Variants in PRUNE2 observed in about 807,000 individuals in gnomAD.
PRUNE2 encodes protein prune homolog 2.
PRUNE2 carries 164 observed loss-of-function variants against 252.0 expected under a neutral mutation model. The ratio of observed to expected loss-of-function variants is 0.65; its 90% CI spans 0.57 to 0.74. The LOEUF (loss-of-function observed/expected upper bound fraction) is 0.74. Among genes scored for constraint, PRUNE2 ranks in the 30% least tolerant of loss-of-function variants. The probability of loss-of-function intolerance (pLI) is 0.00; values close to 1 mark genes in which losing one functional copy is unlikely to be tolerated. For missense variants in PRUNE2, 3,495 were observed against 3,711.0 expected (o/e 0.94, Z 1.51); for synonymous variants, 1,292 against 1,350.2 (o/e 0.96, Z 0.94).
chr9:76,855,588 C>T (rs1006411996), intron 1 of PRUNE2, among the ~76,000 whole-genome samples: 2 of 152,068 alleles, frequency 1.3e-5, no homozygotes, highest in South Asian at 2.1e-4. Context: ...ATAAATATAA[C>T]AAACCAAATC....
intron 6 of PRUNE2, among the ~76,000 whole-genome samples, chr9:76,766,426 T>A (rs2052398527): frequency 6.6e-6 from 1 of 152,146 alleles, no homozygotes; most frequent in South Asian, 2.1e-4. Context: ...TTTTCTTATG[T>A]CTTTAACGAT....
chr9:76,873,124 C>T (rs112963292), intron 1 of PRUNE2, among the ~76,000 whole-genome samples: 3 of 151,794 alleles, frequency 2.0e-5, no homozygotes, highest in East Asian at 1.9e-4. Flanking sequence ...CAGTACCTTC[C>T]GAGGAAGCCT....
At chr9:76,827,429 G>C (rs539649440) in intron 4 of PRUNE2, among the ~76,000 whole-genome samples, 1 of 152,296 alleles carries the variant, frequency 6.6e-6, no homozygotes, top group East Asian at 1.9e-4. Flanking sequence ...CATCTTGAAA[G>C]GGAGGAGTTA....
At chr9:76,901,172 C>A (rs2063149330) in intron 1 of PRUNE2, among the ~76,000 whole-genome samples, 1 of 152,176 alleles carries the variant, frequency 6.6e-6, no homozygotes, top group African/African-American at 2.4e-5. Context: ...CTGGGACAAT[C>A]CGCAGCTGTT....
At chr9:76,743,893 C>T (rs945735384) in intron 6 of PRUNE2, among the ~76,000 whole-genome samples, 3 of 152,096 alleles carry the variant, frequency 2.0e-5, no homozygotes, top group Non-Finnish European at 4.4e-5. Context: ...ATATATTTTG[C>T]ATCATTTTTC....
At chr9:76,655,227 C>T (rs769424473) in intron 10 of PRUNE2, among the ~76,000 whole-genome samples, 196 bp downstream of exon 10, 2 of 152,180 alleles carry the variant, frequency 1.3e-5, no homozygotes, top group African/African-American at 2.4e-5. Context: ...CCCACACTAG[C>T]GAGCATCAGT....
rs1828129657 is a variant in PRUNE2, at chr9:76,613,623, T to G, written c.*947A>C. 6.6e-6 allele frequency: 1 copy of G among 152,210 alleles called. No individual in the cohort carries two copies. The highest frequency in any genetic ancestry group is 1.5e-5 in the Non-Finnish European group (1 of 68,030). 9.4% of individuals were successfully genotyped at this position (152,210 alleles called of 1,614,324 possible). A position where few individuals can be genotyped will look rare whatever the true frequency, so the allele number is the denominator to read the frequency against. ...CATTTTAAAGGGCATATGAAGACTA[T>G]AAAGGAAATATTTTGTACATGAAAG... On this transcript the variant is annotated 3_prime_UTR_variant, in exon 19 of 19. Coordinates refer to ENST00000376718, the MANE Select transcript of PRUNE2 (RefSeq NM_015225.3).
chr9:76,672,786 C>T (rs1035291387), intron 9 of PRUNE2, among the ~76,000 whole-genome samples: 5 of 135,848 alleles, frequency 3.7e-5, no homozygotes, highest in Admixed American at 2.3e-4. Flanking sequence ...AACTGAACAA[C>T]CTGCTCCTGA....
intron 9 of PRUNE2, among the ~76,000 whole-genome samples, chr9:76,657,707 T>G (rs552804061): frequency 6.6e-6 from 1 of 152,362 alleles, no homozygotes; most frequent in East Asian, 1.9e-4. Context: ...TGTCTGAGTT[T>G]AAGGTATTAC....
chr9:76,802,665 A>T (rs967344198), intron 6 of PRUNE2, among the ~76,000 whole-genome samples: 5 of 152,216 alleles, frequency 3.3e-5, no homozygotes, highest in Admixed American at 3.3e-4. Context: ...CCAAAACTAA[A>T]ATCAAACAAT....
intron 6 of PRUNE2, among the ~76,000 whole-genome samples, chr9:76,724,271 C>G (rs1003543714): frequency 7.9e-6 from 1 of 126,440 alleles, no homozygotes; most frequent in African/African-American, 3.0e-5. Context: ...CCAGCTTGGG[C>G]AACATGGTGA....
intron 6 of PRUNE2, among the ~76,000 whole-genome samples, chr9:76,789,445 G>A (rs1183294869): frequency 6.6e-6 from 1 of 152,154 alleles, no homozygotes; most frequent in African/African-American, 2.4e-5. Context: ...ACTGTATCCA[G>A]GAATCACACC....
rs1208408527 is a variant in PRUNE2, at chr9:76,705,582, A to G, written c.6692T>C (p.Val2231Ala). ...GTGAGTTACAAAAATGCTAGTTGCC[A>G]CATTTTCAATCCTTGGGATTCTTCT... ...VDRRIPRIENVATSIFVTHQE... is the reference protein window; with the variant it reads ...VDRRIPRIENAATSIFVTHQE... Residue 2231 changes from valine (V) to alanine (A), a missense_variant, in exon 8 of 19, where the codon GTG becomes GCG. Coordinates refer to ENST00000376718, the MANE Select transcript of PRUNE2 (RefSeq NM_015225.3). 6 of 1,613,922 alleles carry G rather than the reference A, an allele frequency of 3.7e-6. No homozygotes were observed. In the Admixed American group the frequency reaches 5.0e-5, roughly 13 times the overall value.
rs2046581343 is a variant in PRUNE2 at position 76,709,820 on chromosome 9, C to T, written c.2454G>A (p.Leu818=). ...HDEALKNTWN[L]HPTSSKTPSV... Reference sequence around the variant, plus strand: ...AAGGTGTCTTGCTGCTTGTTGGGTGCAAATTCCAGGTATTTTTTAAAGCTT... The same window carrying T: ...AAGGTGTCTTGCTGCTTGTTGGGTGTAAATTCCAGGTATTTTTTAAAGCTT... The change falls in exon 8 of 19, where the codon TTG becomes TTA. Residue 818 remains leucine, a synonymous_variant. Transcript: ENST00000376718. 2 of 1,613,854 alleles carry T rather than the reference C, an allele frequency of 1.2e-6. No individual in the cohort carries two copies. Among genetic ancestry groups the T allele is most frequent in the East Asian group, 2.2e-5 (1 of 44,860 alleles).
intron 12 of PRUNE2, among the ~76,000 whole-genome samples, chr9:76,642,849 G>A (rs1042320080): frequency 6.6e-6 from 1 of 152,190 alleles, no homozygotes; most frequent in African/African-American, 2.4e-5. Flanking sequence ...AGTTCCGGAT[G>A]GGTGCAGCCA....
chr9:76,809,774 A>C (rs894111012), intron 6 of PRUNE2, among the ~76,000 whole-genome samples: 4 of 152,212 alleles, frequency 2.6e-5, no homozygotes, highest in African/African-American at 9.6e-5. Context: ...GTAACCCATA[A>C]ATTCATACAT....
At chr9:76,836,071 T>G (rs1431175181) in intron 4 of PRUNE2, among the ~76,000 whole-genome samples, 1 of 152,150 alleles carries the variant, frequency 6.6e-6, no homozygotes, top group Non-Finnish European at 1.5e-5. Flanking sequence ...AATCAGTGGC[T>G]GAAACCTCAT....
intron 1 of PRUNE2, among the ~76,000 whole-genome samples, chr9:76,901,406 T>C (rs987528029): frequency 1.3e-5 from 2 of 152,334 alleles, no homozygotes; most frequent in East Asian, 1.9e-4. Context: ...CTGATCAGAA[T>C]AAGCTCAGCT....
intron 4 of PRUNE2, among the ~76,000 whole-genome samples, chr9:76,828,912 G>C (rs1029456601): frequency 6.6e-6 from 1 of 151,146 alleles, no homozygotes; most frequent in Non-Finnish European, 1.5e-5. Flanking sequence ...AGCTACTCGG[G>C]AGGCTGAGGC....
Sources: gnomAD v4.1 joint callset for allele counts (sites outside exome capture counted in the v4.1 genomes callset) on GRCh38, gnomAD v4.1.1 for gene constraint, MANE v1.5 for transcripts, NCBI Gene and HGNC (gene_info 2026-07-23, HGNC 2026-07-21) for gene names.